Variants in EGFLAM observed in about 807,000 individuals in gnomAD.
EGFLAM encodes the protein pikachurin.
Under a neutral mutation model 113.1 loss-of-function variants are expected in EGFLAM, and 79 were observed. The observed-to-expected ratio is 0.70, with a 90% CI of 0.58 to 0.84. EGFLAM has a LOEUF of 0.84. Ranked by LOEUF, EGFLAM falls within the 40% of genes least tolerant of loss-of-function variation. The pLI, the probability that EGFLAM is intolerant of heterozygous loss-of-function variation, is 0.00. For missense variants in EGFLAM, 1,265 were observed against 1,291.6 expected, an observed-to-expected ratio of 0.98 and a Z score of 0.32; for synonymous variants, 504 against 487.6, an observed-to-expected ratio of 1.03 and a Z score of -0.44.
chr5:38,334,373 G>A (rs1303640685), intron 1 of EGFLAM, among the ~76,000 whole-genome samples: 3 of 152,174 alleles, frequency 2.0e-5, no homozygotes, highest in African/African-American at 7.2e-5. Flanking sequence ...CAGATTTGGT[G>A]TCTGGTGAAG....
chr5:38,406,030 C>G, intron 6 of EGFLAM, 96 bp from the exon 7 acceptor site: 1 of 930,660 alleles, frequency 1.1e-6, no homozygotes, highest in African/African-American at 1.6e-5. Flanking sequence ...ACACTGCGTT[C>G]CATTCGGTAC....
chr5:38,418,253 T>G lies in EGFLAM; in HGVS notation c.1682T>G (p.Val561Gly). 1.2e-6 allele frequency: 2 copies of G among 1,613,058 alleles called. No homozygotes were observed. Among genetic ancestry groups the G allele is most frequent in the Non-Finnish European group, 1.7e-6 (2 of 1,179,546 alleles). ...GGAAAAGCACTCAGTGGGGCTGATGTGGGTAAGTGGCTGCCTGGTGGGTTG... is the reference window on the plus strand; with the variant it reads ...GGAAAAGCACTCAGTGGGGCTGATGGGGGTAAGTGGCTGCCTGGTGGGTTG... ...PLGKALSGADVGECSSGICDE... is the reference protein window; with the variant it reads ...PLGKALSGADGGECSSGICDE... The change falls in exon 12 of 22, where the codon GTG (valine) becomes GGG (glycine). Residue 561 changes from valine (V) to glycine (G), a missense_variant and splice_region_variant. By Grantham distance (109) the Val-to-Gly change is moderately radical (BLOSUM62 -3). Transcript: ENST00000322350.
chr5:38,330,674 C>T (rs775860866), intron 1 of EGFLAM, among the ~76,000 whole-genome samples: 1 of 152,156 alleles, frequency 6.6e-6, no homozygotes, highest in Non-Finnish European at 1.5e-5. Flanking sequence ...AAGGAGCCTG[C>T]CTTGATCACT....
chr5:38,278,931 T>C (rs761726574), intron 1 of EGFLAM, among the ~76,000 whole-genome samples: 1 of 151,734 alleles, frequency 6.6e-6, no homozygotes, highest in Non-Finnish European at 1.5e-5. Context: ...ACAGACAAAA[T>C]ACAGAATGGG....
chr5:38,446,386 T>G (rs1279386170), intron 17 of EGFLAM, among the ~76,000 whole-genome samples: 1 of 152,010 alleles, frequency 6.6e-6, no homozygotes, highest in East Asian at 1.9e-4. Flanking sequence ...TCCTCGGCAC[T>G]TTCTTTCCTC....
chr5:38,292,501 A>G (rs1758360277), intron 1 of EGFLAM, among the ~76,000 whole-genome samples: 2 of 152,214 alleles, frequency 1.3e-5, no homozygotes, highest in Admixed American at 1.3e-4. Flanking sequence ...TTTTGAAATC[A>G]TCCCATTTGT....
intron 5 of EGFLAM, among the ~76,000 whole-genome samples, chr5:38,369,912 G>A (rs184196734): frequency 9.1e-4 from 139 of 152,298 alleles, no homozygotes; most frequent in African/African-American, 2.6e-3. Flanking sequence ...GTGAATAGAC[G>A]GAATCTGTGT....
intron 1 of EGFLAM, among the ~76,000 whole-genome samples, chr5:38,267,447 T>C (rs1200814793): frequency 3.9e-5 from 6 of 152,254 alleles, no homozygotes; most frequent in African/African-American, 1.4e-4. Context: ...ATTGATCTAA[T>C]CTTTCAGTTA....
At chr5:38,359,819 C>A (rs1456531702) in intron 5 of EGFLAM, among the ~76,000 whole-genome samples, 1 of 152,166 alleles carries the variant, frequency 6.6e-6, no homozygotes, top group Non-Finnish European at 1.5e-5. Flanking sequence ...TGAGAAGGAG[C>A]AAAGCTTCCC....
chr5:38,279,389 C>A (rs1486398141), intron 1 of EGFLAM, among the ~76,000 whole-genome samples: 2 of 152,152 alleles, frequency 1.3e-5, no homozygotes, highest in East Asian at 3.9e-4. Context: ...GAAATGAAAT[C>A]AGTACCTTGA....
chr5:38,438,875 G>A (rs1742444094), intron 17 of EGFLAM, among the ~76,000 whole-genome samples: 1 of 152,176 alleles, frequency 6.6e-6, no homozygotes, highest in African/African-American at 2.4e-5. Flanking sequence ...TGCTGTATAA[G>A]AGAAACCTTG....
intron 6 of EGFLAM, among the ~76,000 whole-genome samples, chr5:38,393,557 C>A (rs554366661): frequency 6.6e-6 from 1 of 152,314 alleles, no homozygotes; most frequent in East Asian, 1.9e-4. Flanking sequence ...ACCCTCCTCT[C>A]AAACAATAAT....
intron 1 of EGFLAM, among the ~76,000 whole-genome samples, chr5:38,276,054 A>C (rs1472811784): frequency 6.6e-6 from 1 of 152,182 alleles, no homozygotes; most frequent in Non-Finnish European, 1.5e-5. Flanking sequence ...GGGAAGCAAA[A>C]GATTTAATGG....
Position 38,451,416 on chromosome 5 carries a change from A to C in EGFLAM, c.2645A>C (p.Asp882Ala). ...RGDSPMRPNS[D>A]FISLGLRDGA... is the part of the protein sequence containing the mutation. ...GACAGCCCCATGAGACCCAACAGCG[A>C]CTTCATTTCCTTGGGCCTTCGGGAT... Residue 882 changes from aspartate to alanine, a missense_variant, in exon 19 of 22, where the codon GAC becomes GCC. Physicochemically the swap from Asp to Ala is moderately radical, Grantham distance 126. Transcript: ENST00000322350. 1 of 1,614,214 alleles carries C rather than the reference A, an allele frequency of 6.2e-7. No individual in the cohort carries two copies. The highest frequency in any genetic ancestry group is 8.5e-7 in the Non-Finnish European group (1 of 1,180,030).
chr5:38,294,658 TA>T (rs548345306), intron 1 of EGFLAM, among the ~76,000 whole-genome samples: 25 of 150,260 alleles, frequency 1.7e-4, no homozygotes, highest in Admixed American at 5.3e-4. Context: ...TTTTCATTGT[TA>T]AAAAAAAAAT....
chr5:38,448,120 C>T, intron 17 of EGFLAM, 181 bp from the exon 18 acceptor site: 2 of 639,610 alleles, frequency 3.1e-6, no homozygotes, highest in South Asian at 2.0e-5. Flanking sequence ...AGAAGCCAAC[C>T]CCAGGCCATG....
intron 6 of EGFLAM, among the ~76,000 whole-genome samples, chr5:38,392,421 G>C (rs112125273): frequency 6.6e-6 from 1 of 152,152 alleles, no homozygotes; most frequent in African/African-American, 2.4e-5. Flanking sequence ...ATGAACATCC[G>C]CATGTATGTG....
intron 1 of EGFLAM, among the ~76,000 whole-genome samples, chr5:38,311,977 G>A (rs1163036494): frequency 2.0e-5 from 3 of 152,106 alleles, no homozygotes; most frequent in Non-Finnish European, 4.4e-5. Context: ...GGAAGGGGAG[G>A]GGATTCTGGG....
At chr5:38,364,942 G>A (rs1199809098) in intron 5 of EGFLAM, among the ~76,000 whole-genome samples, 1 of 152,154 alleles carries the variant, frequency 6.6e-6, no homozygotes, top group East Asian at 1.9e-4. Flanking sequence ...GTTTGATGTG[G>A]AAAGAAGGAG....
Sources: gnomAD v4.1 joint callset for allele counts (sites outside exome capture counted in the v4.1 genomes callset) on GRCh38, gnomAD v4.1.1 for gene constraint, MANE v1.5 for transcripts, NCBI Gene and HGNC (gene_info 2026-07-23, HGNC 2026-07-21) for gene names.